Variants in ZNF292 observed in about 807,000 individuals in gnomAD.
ZNF292 encodes 16 zinc-finger domain protein.
ZNF292 carries 26 observed loss-of-function variants against 217.9 expected under a neutral mutation model. The observed-to-expected ratio is 0.12, with a 90% CI of 0.09 to 0.17. The LOEUF is 0.17. Among genes scored for constraint, ZNF292 ranks in the 10% least tolerant of loss-of-function variants. The pLI is 1.00. For synonymous variants in ZNF292, 1,257 were observed against 1,124.1 expected (o/e 1.12, Z -2.37); for missense variants, 2,904 against 3,175.2 (o/e 0.91, Z 2.05).
chr6:87,192,223 G>T (rs1771839117), intron 1 of ZNF292, among the ~76,000 whole-genome samples: 1 of 152,162 alleles, frequency 6.6e-6, no homozygotes, highest in African/African-American at 2.4e-5. Context: ...CAGAGAATGA[G>T]TTGCAGTTTC....
rs1420473006 is a variant in ZNF292 at position 87,259,911 on chromosome 6, A to G, written c.6282A>G (p.Arg2094=). The change falls in exon 8 of 8, where the codon CGA becomes CGG. Residue 2094 remains arginine, a synonymous_variant. Coordinates refer to ENST00000369577, the MANE Select transcript of ZNF292 (RefSeq NM_015021.3). ...AAAAAGAAAAGGAGGAGAAAAAACG[A>G]AAGAAGCCAGTTTCCCAATCCCTTG... ...RHKKEKEEKK[R]KKPVSQSLEF... is the part of the protein sequence containing the mutation. The G allele has an allele frequency of 1.2e-6, 2 of 1,613,592 alleles. No homozygotes were observed. The highest frequency in any genetic ancestry group is 1.7e-6 in the Non-Finnish European group (2 of 1,179,640).
At chr6:87,163,834 CATTTTTGGAGAAAAATGCCA>C (rs769233108) in intron 1 of ZNF292, among the ~76,000 whole-genome samples, 126 of 152,174 alleles carry the variant, frequency 8.3e-4, no homozygotes, top group Non-Finnish European at 1.5e-3. Context: ...TTCAAACTGG[CATTTTTGGAGAAAAATGCCA>C]AGTGATAGGA....
chr6:87,160,750 C>A (rs558437983), intron 1 of ZNF292, among the ~76,000 whole-genome samples: 18 of 152,032 alleles, frequency 1.2e-4, no homozygotes, highest in African/African-American at 4.1e-4. Flanking sequence ...ATAGTACTTT[C>A]CCTACCTCCA....
intron 2 of ZNF292, 49 bp downstream of exon 2, chr6:87,216,106 TAGACACACACACACACACACACAC>T (rs71960404): frequency 0.31 from 298,130 of 947,944 alleles, 51,830 homozygotes; most frequent in Admixed American, 0.47. Context: ...TAAAAATACA[TAGACACACACACACACACACACAC>T]ACACACACAC....
intron 7 of ZNF292, among the ~76,000 whole-genome samples, chr6:87,251,813 C>T (rs1774933387): frequency 1.3e-5 from 2 of 152,106 alleles, no homozygotes; most frequent in African/African-American, 4.8e-5. Flanking sequence ...TCTTTTGTTT[C>T]ATTGTCATTA....
intron 4 of ZNF292, among the ~76,000 whole-genome samples, chr6:87,221,844 A>G (rs1170492893): frequency 6.6e-6 from 1 of 152,124 alleles, no homozygotes; most frequent in East Asian, 1.9e-4. Flanking sequence ...TGATCTGGCC[A>G]GTTTTGAGGT....
chr6:87,261,057 T>C lies in ZNF292; in HGVS notation c.7428T>C (p.Asn2476=), dbSNP rs1344733736. 2.5e-6 allele frequency: 4 copies of C among 1,603,346 alleles called. No homozygotes were observed. The East Asian group carries it at 9.0e-5, about 36-fold the overall frequency. Reference sequence around the variant, plus strand: ...TTTCACAAAAGGAAGTTGAAAAAAATGAAAAAGATGAAATGGATGAACTAA... The same window carrying C: ...TTTCACAAAAGGAAGTTGAAAAAAACGAAAAAGATGAAATGGATGAACTAA... ...ATVSQKEVEK[N]EKDEMDELTE... is the part of the protein sequence containing the mutation. The change falls in exon 8 of 8, where the codon AAT becomes AAC. Residue 2476 remains asparagine (N), a synonymous_variant. Coordinates refer to ENST00000369577, the MANE Select transcript of ZNF292 (RefSeq NM_015021.3).
At chr6:87,227,144 A>G (rs1773398423) in intron 4 of ZNF292, among the ~76,000 whole-genome samples, 1 of 152,206 alleles carries the variant, frequency 6.6e-6, no homozygotes, top group African/African-American at 2.4e-5. Context: ...TTTCCTGAAA[A>G]TGTAACATCT....
At chr6:87,166,136 A>G (rs1489698816) in intron 1 of ZNF292, among the ~76,000 whole-genome samples, 1 of 152,214 alleles carries the variant, frequency 6.6e-6, no homozygotes, top group Admixed American at 6.5e-5. Context: ...ATACTGATGC[A>G]TAGGAAAAAA....
chr6:87,191,286 TA>T (rs11311792), intron 1 of ZNF292, among the ~76,000 whole-genome samples: 91,934 of 150,722 alleles, frequency 0.61, 28,858 homozygotes, highest in African/African-American at 0.77. Flanking sequence ...CTGATGAGCT[TA>T]AAAAAAAAAA....
chr6:87,180,389 A>G (rs889514877), intron 1 of ZNF292, among the ~76,000 whole-genome samples: 4 of 151,800 alleles, frequency 2.6e-5, no homozygotes, highest in East Asian at 1.9e-4. Context: ...TAGTGTGGCT[A>G]TGGATATCCA....
intron 1 of ZNF292, among the ~76,000 whole-genome samples, chr6:87,191,840 T>A (rs1428442256): frequency 6.6e-6 from 1 of 152,082 alleles, no homozygotes; most frequent in African/African-American, 2.4e-5. Flanking sequence ...TTTTTGTATT[T>A]TAGTAGAGAC....
intron 1 of ZNF292, among the ~76,000 whole-genome samples, chr6:87,195,887 G>T (rs1056726964): frequency 6.6e-6 from 1 of 151,956 alleles, no homozygotes; most frequent in Non-Finnish European, 1.5e-5. Context: ...AATTAGCCGG[G>T]CATGGTGGCA....
chr6:87,205,836 G>A (rs943734654), intron 1 of ZNF292, among the ~76,000 whole-genome samples: 1 of 151,812 alleles, frequency 6.6e-6, no homozygotes, highest in Non-Finnish European at 1.5e-5. Context: ...TTACTTTTAC[G>A]TTTTTATACT....
At chr6:87,237,953 A>G (rs1358042831) in intron 5 of ZNF292, among the ~76,000 whole-genome samples, 2 of 152,186 alleles carry the variant, frequency 1.3e-5, no homozygotes, top group African/African-American at 4.8e-5. Flanking sequence ...GTAATTTACT[A>G]CTTTGTATAT....
Position 87,258,736 on chromosome 6 carries a change from A to G in ZNF292, c.5107A>G (p.Lys1703Glu). Residue 1703 changes from lysine (K) to glutamate (E), a missense_variant, in exon 8 of 8, where the codon AAA (lysine) becomes GAA (glutamate). Lys to Glu is a moderately conservative substitution (Grantham distance 56, BLOSUM62 1). This residue lies in a region of ZNF292 where 622 missense variants were observed against 573.1 expected (regional missense o/e 1.09). Coordinates refer to ENST00000369577, the MANE Select transcript of ZNF292 (RefSeq NM_015021.3). ...CAATCAGTTATTTATGACTGATGTA[A>G]AAGAGAATTTCAAAACCAGTCTTGA... ...VNNQLFMTDV[K>E]ENFKTSLESH... 2 of 1,613,468 alleles carry G rather than the reference A, an allele frequency of 1.2e-6. No individual in the cohort carries two copies. The highest frequency in any genetic ancestry group is 1.7e-6 in the Non-Finnish European group (2 of 1,179,692).
Position 87,216,509 on chromosome 6 carries a change from C to T in ZNF292, c.402+132C>T, listed in dbSNP as rs951410376. 8 of 639,180 alleles carry T rather than the reference C, an allele frequency of 1.3e-5. No homozygotes were observed. In the Admixed American group the frequency reaches 2.3e-4, roughly 18 times the overall value. 39.6% of individuals were successfully genotyped at this position (639,180 alleles called of 1,614,324 possible). A position where few individuals can be genotyped will look rare whatever the true frequency, so the allele number is the denominator to read the frequency against. ...ACATTAATTACTGATCTTATTGACACTAGTATCTTACATAGAGTAGATCTC... is the reference window on the plus strand; with the variant it reads ...ACATTAATTACTGATCTTATTGACATTAGTATCTTACATAGAGTAGATCTC... On this transcript the variant is annotated intron_variant, in intron 3 of 7. Coordinates refer to ENST00000369577, the MANE Select transcript of ZNF292 (RefSeq NM_015021.3).
intron 1 of ZNF292, among the ~76,000 whole-genome samples, chr6:87,206,424 AT>A (rs1772255932): frequency 6.6e-6 from 1 of 152,064 alleles, no homozygotes; most frequent in African/African-American, 2.4e-5. Context: ...TTCCCCCTTC[AT>A]TCACATTTTG....
intron 5 of ZNF292, among the ~76,000 whole-genome samples, chr6:87,236,389 GTTT>G (rs770752267): frequency 7.7e-6 from 1 of 130,644 alleles, no homozygotes; most frequent in Non-Finnish European, 1.7e-5. Flanking sequence ...CCCATAGGTT[GTTT>G]TTTTTTTTTT....
Sources: gnomAD v4.1 joint callset for allele counts (sites outside exome capture counted in the v4.1 genomes callset) on GRCh38, gnomAD v4.1.1 for gene constraint, gnomAD v4.1.1 regional missense constraint, MANE v1.5 for transcripts, NCBI Gene and HGNC (gene_info 2026-07-23, HGNC 2026-07-21) for gene names.